TTYH1: variants seen among roughly 807,000 people sequenced by gnomAD.
The protein encoded by TTYH1 is protein tweety homolog 1.
Under a neutral mutation model 61.2 loss-of-function variants are expected in TTYH1, and 33 were observed. That is an observed-to-expected ratio of 0.54 (90% CI 0.41 to 0.72). TTYH1 has a LOEUF of 0.72. TTYH1 is among the 30% of genes least tolerant of loss of function. The probability of loss-of-function intolerance (pLI) is 0.00; values close to 1 mark genes in which losing one functional copy is unlikely to be tolerated. For synonymous variants in TTYH1, 308 were observed against 266.4 expected (o/e 1.16, Z -1.52); for missense variants, 538 against 575.8 (o/e 0.93, Z 0.67).
Position 54,416,383 on chromosome 19 carries a change from C to A in TTYH1, c.126+705C>A. On this transcript the variant is annotated intron_variant, in intron 1 of 13. Transcript: ENST00000376530. The surrounding 1 kb of genome is among the most constrained non-coding windows in gnomAD (Gnocchi z 7.0). ...GTGGGAACCTCACAGAAGCCGGTGT[C>A]CCTGGGGAAGGGGCCCGGCTCGGGG... is the stretch of plus-strand genomic sequence containing the variant. 1 of 246,162 alleles carries A rather than the reference C, an allele frequency of 4.1e-6. No homozygotes were observed. The highest frequency in any genetic ancestry group is 5.0e-5 in the Admixed American group (1 of 20,176). The allele number at this position is 246,162 out of a possible 1,614,324, so 15.2% of individuals were successfully genotyped here. A position where few individuals can be genotyped will look rare whatever the true frequency, so the allele number is the denominator to read the frequency against.
Position 54,415,869 on chromosome 19 carries a change from T to C in TTYH1, c.126+191T>C. The C allele has an allele frequency of 1.3e-6, 1 of 782,304 alleles. No individual in the cohort carries two copies. The highest frequency in any genetic ancestry group is 3.1e-5 in the East Asian group (1 of 32,068). The allele number at this position is 782,304 out of a possible 1,614,324, so 48.5% of individuals were successfully genotyped here. ...CTGGAGGTTCTCCTGGGACGCGCGCTGGGGGTCCAGACCTCGAGCTCTCTA... is the reference window on the plus strand; with the variant it reads ...CTGGAGGTTCTCCTGGGACGCGCGCCGGGGGTCCAGACCTCGAGCTCTCTA... On this transcript the variant is annotated intron_variant, in intron 1 of 13. Coordinates refer to ENST00000376530, the MANE Select transcript of TTYH1 (RefSeq NM_020659.4). The surrounding 1 kb of genome is among the most constrained non-coding windows in gnomAD (Gnocchi z 5.2).
At chr19:54,427,813 T>C (rs2083358618) in intron 5 of TTYH1, among the ~76,000 whole-genome samples, 2 of 152,150 alleles carry the variant, frequency 1.3e-5, no homozygotes, top group Non-Finnish European at 2.9e-5. Flanking sequence ...AGGACCACAC[T>C]GATTTCACAG....
intron 5 of TTYH1, among the ~76,000 whole-genome samples, chr19:54,427,027 G>A (rs994407863): frequency 2.6e-5 from 4 of 152,048 alleles, no homozygotes; most frequent in African/African-American, 7.2e-5. Flanking sequence ...GGCCAGGCGC[G>A]GTGGCTCACA....
At chr19:54,422,039 C>CGGG in intron 3 of TTYH1, 151 bp from the exon 4 acceptor site, 1 of 638,162 alleles carries the variant, frequency 1.6e-6, no homozygotes, top group Non-Finnish European at 2.7e-6. Context: ...CCTCCCCAAT[C>CGGG]CCTTCCCTTA....
Position 54,429,763 on chromosome 19 carries a change from G to T in TTYH1, c.808-119G>T. ...TGGACTCCTGAGTCTGAGGGAAGAG[G>T]GGCTGGGACCTGGACCCCTGGGTGG... On this transcript the variant is annotated intron_variant, in intron 6 of 13. Coordinates refer to ENST00000376530, the MANE Select transcript of TTYH1 (RefSeq NM_020659.4). This position sits in a 1 kb window ranked among gnomAD's most constrained non-coding sequence, Gnocchi z 5.1. The T allele has an allele frequency of 1.2e-6, 1 of 843,486 alleles. No individual in the cohort carries two copies. 52.3% of individuals were successfully genotyped at this position (843,486 alleles called of 1,614,324 possible).
chr19:54,419,408 G>A lies in TTYH1; in HGVS notation c.305+102G>A. On this transcript the variant is annotated intron_variant, in intron 2 of 13. Coordinates refer to ENST00000376530, the MANE Select transcript of TTYH1 (RefSeq NM_020659.4). The surrounding 1 kb of genome is among the most constrained non-coding windows in gnomAD (Gnocchi z 6.1). ...TCCGGGGACATGGAGGAAGCAGACA[G>A]GAAGGAGGAAACTCCCTCGTCCCTG... 1 of 1,278,438 alleles carries A rather than the reference G, an allele frequency of 7.8e-7. No individual in the cohort carries two copies. Among genetic ancestry groups the A allele is most frequent in the Non-Finnish European group, 1.1e-6 (1 of 911,252 alleles). The allele number at this position is 1,278,438 out of a possible 1,614,324, so 79.2% of individuals were successfully genotyped here.
rs2083556667 is a variant in TTYH1, at chr19:54,436,540, G to C, written c.*250G>C. On this transcript the variant is annotated 3_prime_UTR_variant, in exon 14 of 14. Transcript: ENST00000376530. This position sits in a 1 kb window ranked among gnomAD's most constrained non-coding sequence, Gnocchi z 4.3. ...GGGAGGGGGCAGACAGCCTCGCCTC[G>C]CACCCTTCATCCCTGGCTGCCGGTC... 6 of 707,420 alleles carry C rather than the reference G, an allele frequency of 8.5e-6. No homozygotes were observed. The highest frequency in any genetic ancestry group is 1.5e-5 in the Non-Finnish European group (6 of 412,924). The allele number at this position is 707,420 out of a possible 1,614,324, so 43.8% of individuals were successfully genotyped here.
Position 54,422,271 on chromosome 19 carries a change from GAGCTGGTGGCTGCCGCCCGA to G in TTYH1, c.500_519del (p.Glu167GlyfsTer31). The G allele has an allele frequency of 6.4e-7, 1 of 1,567,146 alleles. No individual in the cohort carries two copies. The highest frequency in any genetic ancestry group is 8.6e-7 in the Non-Finnish European group (1 of 1,156,404). Reference sequence around the variant, plus strand: ...GGAGGAGGTGCTCGAGCCGCGCACGGAGCTGGTGGCTGCCGCCCGAGGGGCTCGACGGCAGGCGGAGGCTG... The same window carrying G: ...GGAGGAGGTGCTCGAGCCGCGCACGGGGGGCTCGACGGCAGGCGGAGGCTG... On this transcript the variant is annotated frameshift_variant, in exon 4 of 14. Transcript: ENST00000376530. LOFTEE classifies it high-confidence loss of function.
chr19:54,419,071 A>G lies in TTYH1; in HGVS notation c.127-57A>G. The G allele has an allele frequency of 6.5e-7, 1 of 1,529,376 alleles. No individual in the cohort carries two copies. The highest frequency in any genetic ancestry group is 8.9e-7 in the Non-Finnish European group (1 of 1,129,354). 94.7% of individuals were successfully genotyped at this position (1,529,376 alleles called of 1,614,324 possible). A position where few individuals can be genotyped will look rare whatever the true frequency, so the allele number is the denominator to read the frequency against. ...ACCCCCCAGCCACGCAGGAAGGGGG[A>G]TCTGAGTGTGGAACACACGGGTGCC... On this transcript the variant is annotated intron_variant, in intron 1 of 13. Coordinates refer to ENST00000376530, the MANE Select transcript of TTYH1 (RefSeq NM_020659.4). The surrounding 1 kb of genome is among the most constrained non-coding windows in gnomAD (Gnocchi z 6.1).
rs181559386 is a variant in TTYH1 at position 54,423,455 on chromosome 19, C to G, written c.638+1045C>G. On this transcript the variant is annotated intron_variant, in intron 4 of 13. Coordinates refer to ENST00000376530, the MANE Select transcript of TTYH1 (RefSeq NM_020659.4). ...TTGTGATCTGCCCGCCTTGGCCTCT[C>G]AAAGTGTTGTTCAGCACTATTTATT... 3.8e-4 allele frequency among the ~76,000 whole-genome samples: 58 copies of G among 152,232 alleles called. No homozygotes were observed. The East Asian group carries it at 0.011, about 28-fold the overall frequency.
In TTYH1 at chr19:54,434,000, C is replaced by T. The variant is rs562921055; in HGVS notation, c.1126-1542C>T. Among the ~76,000 whole-genome samples, 3 of 152,254 alleles carry T rather than the reference C, an allele frequency of 2.0e-5. No homozygotes were observed. In the South Asian group the frequency reaches 6.2e-4, roughly 32 times the overall value. On this transcript the variant is annotated intron_variant, in intron 10 of 13. Transcript: ENST00000376530. ...CCATTGCCCCGACAGGTCCGTACCC[C>T]AACCCTCACTGGCTTAGTAACAGAC...
rs1445698495 is a variant in TTYH1 at position 54,419,960 on chromosome 19, A to G, written c.305+654A>G. On this transcript the variant is annotated intron_variant, in intron 2 of 13. Coordinates refer to ENST00000376530, the MANE Select transcript of TTYH1 (RefSeq NM_020659.4). The surrounding 1 kb of genome is among the most constrained non-coding windows in gnomAD (Gnocchi z 6.1). ...CTGAGCTGGTCTAATTCCTTCTCACAATAATGCTGCTGGATTCAGGGGTGT... is the reference window on the plus strand; with the variant it reads ...CTGAGCTGGTCTAATTCCTTCTCACGATAATGCTGCTGGATTCAGGGGTGT... Among the ~76,000 whole-genome samples the G allele has an allele frequency of 1.3e-5, 2 of 152,132 alleles. No homozygotes were observed. Among genetic ancestry groups the G allele is most frequent in the Non-Finnish European group, 2.9e-5 (2 of 68,016 alleles).
In TTYH1 at chr19:54,416,228, G is replaced by T; in HGVS notation, c.126+550G>T. 2.4e-6 allele frequency: 1 copy of T among 411,450 alleles called. No individual in the cohort carries two copies. The highest frequency in any genetic ancestry group is 2.2e-5 in the South Asian group (1 of 45,764). 25.5% of individuals were successfully genotyped at this position (411,450 alleles called of 1,614,324 possible). A position where few individuals can be genotyped will look rare whatever the true frequency, so the allele number is the denominator to read the frequency against. On this transcript the variant is annotated intron_variant, in intron 1 of 13. Coordinates refer to ENST00000376530, the MANE Select transcript of TTYH1 (RefSeq NM_020659.4). The surrounding 1 kb of genome is among the most constrained non-coding windows in gnomAD (Gnocchi z 7.0). Reference sequence around the variant, plus strand: ...CAGGGCTGGAAAATGAAGGGGCTCTGGGAGAGGAAGCTTCTTGCCCGTCCC... The same window carrying T: ...CAGGGCTGGAAAATGAAGGGGCTCTTGGAGAGGAAGCTTCTTGCCCGTCCC...
chr19:54,429,297 C>G lies in TTYH1; in HGVS notation c.735-10C>G, dbSNP rs1599908188. ...AGAACCCCGGGCTGATCCTCCCTCCCCCACTCTAGGATGACAGTCATGAGT... is the reference window on the plus strand; with the variant it reads ...AGAACCCCGGGCTGATCCTCCCTCCGCCACTCTAGGATGACAGTCATGAGT... On this transcript the variant is annotated splice_polypyrimidine_tract_variant and intron_variant, in intron 5 of 13. Transcript: ENST00000376530. This position sits in a 1 kb window ranked among gnomAD's most constrained non-coding sequence, Gnocchi z 5.1. The G allele has an allele frequency of 3.1e-6, 5 of 1,613,882 alleles. No individual in the cohort carries two copies. The highest frequency in any genetic ancestry group is 1.7e-4 in the Middle Eastern group (1 of 6,060).
chr19:54,431,082 C>A lies in TTYH1; in HGVS notation c.1033-17C>A. 1 of 1,598,218 alleles carries A rather than the reference C, an allele frequency of 6.3e-7. No individual in the cohort carries two copies. Among genetic ancestry groups the A allele is most frequent in the South Asian group, 1.1e-5 (1 of 90,680 alleles). On this transcript the variant is annotated splice_polypyrimidine_tract_variant and intron_variant, in intron 9 of 13. Transcript: ENST00000376530. ...CCTGAAGAGTTCGTGGGAAAACGACCCCTCCTCGCCCCGCAGAAGCCTCTG... is the reference window on the plus strand; with the variant it reads ...CCTGAAGAGTTCGTGGGAAAACGACACCTCCTCGCCCCGCAGAAGCCTCTG...
Position 54,419,885 on chromosome 19 carries a change from C to T in TTYH1, c.305+579C>T, listed in dbSNP as rs552253578. ...CTTATGTTCTAATCAGGGAGACGGA[C>T]GATAAATAGATATAATCACCCTCCA... On this transcript the variant is annotated intron_variant, in intron 2 of 13. Transcript: ENST00000376530. This position sits in a 1 kb window ranked among gnomAD's most constrained non-coding sequence, Gnocchi z 6.1. 5.3e-5 allele frequency among the ~76,000 whole-genome samples: 8 copies of T among 152,112 alleles called. No homozygotes were observed. The highest frequency in any genetic ancestry group is 4.1e-4 in the South Asian group (2 of 4,828).
chr19:54,421,653 A>C lies in TTYH1; in HGVS notation c.417+265A>C, dbSNP rs2083219615. Reference sequence around the variant, plus strand: ...CACACAGAAACCAAGCACCAGCGACACCAGCCCCTGTCCACGGGCCAGATC... The same window carrying C: ...CACACAGAAACCAAGCACCAGCGACCCCAGCCCCTGTCCACGGGCCAGATC... On this transcript the variant is annotated intron_variant, in intron 3 of 13. Coordinates refer to ENST00000376530, the MANE Select transcript of TTYH1 (RefSeq NM_020659.4). This position sits in a 1 kb window ranked among gnomAD's most constrained non-coding sequence, Gnocchi z 4.8. Among the ~76,000 whole-genome samples, 1 of 151,652 alleles carries C rather than the reference A, an allele frequency of 6.6e-6. No homozygotes were observed. Among genetic ancestry groups the C allele is most frequent in the Admixed American group, 6.6e-5 (1 of 15,202 alleles).
chr19:54,424,451 C>T (rs945193754), intron 4 of TTYH1, among the ~76,000 whole-genome samples: 2 of 152,254 alleles, frequency 1.3e-5, no homozygotes, highest in African/African-American at 2.4e-5. Context: ...GGAAGGCCGA[C>T]TGGGGCTGAA....
rs11084338 is a variant in TTYH1, at chr19:54,436,803, C to T, written c.*513C>T. Reference sequence around the variant, plus strand: ...ATCCTCCCTGCTGTCCTCTCTCCCCCGGCCTCCCAGCTGCCAGGAATTTCT... The same window carrying T: ...ATCCTCCCTGCTGTCCTCTCTCCCCTGGCCTCCCAGCTGCCAGGAATTTCT... On this transcript the variant is annotated 3_prime_UTR_variant, in exon 14 of 14. Coordinates refer to ENST00000376530, the MANE Select transcript of TTYH1 (RefSeq NM_020659.4). The surrounding 1 kb of genome is among the most constrained non-coding windows in gnomAD (Gnocchi z 4.3). The T allele has an allele frequency of 0.14, 24,260 of 178,994 alleles. 3,101 individuals are homozygous for T. The highest frequency in any genetic ancestry group is 0.35 in the African/African-American group (14,705 of 42,190). The allele number at this position is 178,994 out of a possible 1,614,324, so 11.1% of individuals were successfully genotyped here.
Sources: gnomAD v4.1 joint callset for allele counts (sites outside exome capture counted in the v4.1 genomes callset) on GRCh38, gnomAD v4.1.1 for gene constraint, Gnocchi (gnomAD v3.1) non-coding constraint, MANE v1.5 for transcripts, NCBI Gene and HGNC (gene_info 2026-07-23, HGNC 2026-07-21) for gene names.